Variants in RB1CC1 observed in about 807,000 individuals in gnomAD.
RB1CC1 encodes RB1 inducible coiled-coil 1.
A neutral mutation model predicts 177.5 loss-of-function variants in RB1CC1; 46 were observed. That is an observed-to-expected ratio of 0.26 (90% CI 0.20 to 0.33). The LOEUF is 0.33. RB1CC1 is among the 10% of genes least tolerant of loss of function. The pLI, the probability that RB1CC1 is intolerant of heterozygous loss-of-function variation, is 1.00. For missense variants in RB1CC1, 1,703 were observed against 1,816.3 expected (o/e 0.94, Z 1.13); for synonymous variants, 666 against 613.6 (o/e 1.09, Z -1.26).
In RB1CC1 at chr8:52,645,685, G is replaced by A; in HGVS notation, c.3987+17C>T. 1 of 1,601,038 alleles carries A rather than the reference G, an allele frequency of 6.2e-7. No homozygotes were observed. The highest frequency in any genetic ancestry group is 8.5e-7 in the Non-Finnish European group (1 of 1,175,248). On this transcript the variant is annotated intron_variant, in intron 16 of 23. Coordinates refer to ENST00000025008, the MANE Select transcript of RB1CC1 (RefSeq NM_014781.5). The stretch of plus-strand genomic sequence containing the variant: ...CCTTCTTTAGTTCTCAAATGAAATG[G>A]GAAAAGAGATACAGACCTGTTGTTC...
At chr8:52,658,610 T>TCC (rs1851311738) in intron 13 of RB1CC1, among the ~76,000 whole-genome samples, 1 of 144,930 alleles carries the variant, frequency 6.9e-6, no homozygotes, top group Admixed American at 6.9e-5. Context: ...AAGTAAAAAG[T>TCC]CAGAAATTTC....
intron 15 of RB1CC1, among the ~76,000 whole-genome samples, chr8:52,650,337 T>G (rs536017378): frequency 1.3e-5 from 2 of 152,166 alleles, no homozygotes; most frequent in Non-Finnish European, 2.9e-5. Context: ...CTGGAGGTGG[T>G]TGTAGCCAAA....
intron 1 of RB1CC1, among the ~76,000 whole-genome samples, chr8:52,702,708 CA>C (rs111945832): frequency 0.017 from 2,422 of 143,648 alleles, 67 homozygotes; most frequent in African/African-American, 0.058. Context: ...GAGTGAGACT[CA>C]AAAAAAAAGA....
At chr8:52,701,954 C>A (rs902279372) in intron 1 of RB1CC1, among the ~76,000 whole-genome samples, 1 of 152,022 alleles carries the variant, frequency 6.6e-6, no homozygotes, top group Non-Finnish European at 1.5e-5. Context: ...ATTACAGGCA[C>A]CTGCCACCAC....
chr8:52,641,835 G>A (rs1849613459), intron 18 of RB1CC1, among the ~76,000 whole-genome samples: 1 of 152,056 alleles, frequency 6.6e-6, no homozygotes, highest in South Asian at 2.1e-4. Flanking sequence ...AGATATAATT[G>A]TAAGCACAAT....
At chr8:52,650,752 T>C (rs1375801004) in intron 15 of RB1CC1, among the ~76,000 whole-genome samples, 1 of 152,150 alleles carries the variant, frequency 6.6e-6, no homozygotes, top group Non-Finnish European at 1.5e-5. Flanking sequence ...ACCAGGGCAG[T>C]ACATGGCATA....
intron 1 of RB1CC1, among the ~76,000 whole-genome samples, chr8:52,698,749 G>A (rs1037077506): frequency 9.4e-6 from 1 of 105,828 alleles, no homozygotes; most frequent in Non-Finnish European, 1.7e-5. Context: ...TCGGTCTGTC[G>A]CCCAGGCTGG....
chr8:52,683,964 G>C lies in RB1CC1; in HGVS notation c.121C>G (p.Gln41Glu), dbSNP rs989319542. 6.2e-7 allele frequency: 1 copy of C among 1,614,014 alleles called. No homozygotes were observed. The highest frequency in any genetic ancestry group is 8.5e-7 in the Non-Finnish European group (1 of 1,179,988). Reference protein sequence around the residue: ...AIQSKYKIAIQHQVLVVNGGE... With the variant: ...AIQSKYKIAIEHQVLVVNGGE... ...CCATTGACCACCAGCACCTGGTGTT[G>C]AATAGCAATCTTGTATTTGCTTTGA... The change falls in exon 4 of 24, where the codon CAA (glutamine) becomes GAA (glutamate). Residue 41 changes from glutamine (Q) to glutamate (E), a missense_variant. Around this residue, in one of 6 missense-constraint regions of RB1CC1, gnomAD observed 118 missense variants for 121.2 expected, o/e 0.97. Coordinates refer to ENST00000025008, the MANE Select transcript of RB1CC1 (RefSeq NM_014781.5).
At chr8:52,672,470 C>T (rs1852689618) in intron 7 of RB1CC1, among the ~76,000 whole-genome samples, 1 of 152,174 alleles carries the variant, frequency 6.6e-6, no homozygotes, top group Non-Finnish European at 1.5e-5. Flanking sequence ...AGGCCAGGTG[C>T]AGTGGCTCAT....
chr8:52,707,297 C>T (rs894985450), intron 1 of RB1CC1, among the ~76,000 whole-genome samples: 3 of 152,092 alleles, frequency 2.0e-5, no homozygotes, highest in Admixed American at 6.6e-5. Flanking sequence ...CTACTGTTAC[C>T]TCAAACTCAA....
Position 52,714,156 on chromosome 8 carries a change from G to C in RB1CC1, c.-248C>G, listed in dbSNP as rs752006572. On this transcript the variant is annotated 5_prime_UTR_variant, in exon 1 of 24. Transcript: ENST00000025008. ...CATCTTCCGCCGCCGCCTAGTCCTC[G>C]GCAGCGGTTACCAACCGCCCATTCG... 7.3e-6 allele frequency: 2 copies of C among 275,288 alleles called. No homozygotes were observed. Among genetic ancestry groups the C allele is most frequent in the Non-Finnish European group, 1.5e-5 (2 of 134,088 alleles). 17.1% of individuals were successfully genotyped at this position (275,288 alleles called of 1,614,324 possible). A position where few individuals can be genotyped will look rare whatever the true frequency, so the allele number is the denominator to read the frequency against.
At chr8:52,668,914 C>T (rs1238443633) in intron 7 of RB1CC1, among the ~76,000 whole-genome samples, 1 of 152,192 alleles carries the variant, frequency 6.6e-6, no homozygotes, top group Non-Finnish European at 1.5e-5. Flanking sequence ...GGTTCCTTCA[C>T]AGCATCCTTT....
intron 7 of RB1CC1, among the ~76,000 whole-genome samples, chr8:52,669,927 A>C (rs1406472817): frequency 6.6e-6 from 1 of 151,840 alleles, no homozygotes; most frequent in African/African-American, 2.4e-5. Flanking sequence ...GTATTTTATG[A>C]TTCACTAAAT....
chr8:52,704,883 C>CA (rs1158628118), intron 1 of RB1CC1, among the ~76,000 whole-genome samples: 16 of 152,264 alleles, frequency 1.1e-4, no homozygotes, highest in African/African-American at 3.8e-4. Context: ...ACTTGATGCT[C>CA]ATTTTATATA....
chr8:52,656,770 T>A lies in RB1CC1; in HGVS notation c.3059A>T (p.Glu1020Val). ...HRVSLEELKK[E>V]NQQIINQIQE... ...TATTTGATTAATTATTTGTTGGTTT[T>A]CCTTTTTTAATTCCTCCAAAGAAAC... The change falls in exon 15 of 24, where the codon GAA (glutamate) becomes GTA (valine). Residue 1020 changes from glutamate to valine, a missense_variant. Physicochemically the swap from Glu to Val is moderately radical, Grantham distance 121. Coordinates refer to ENST00000025008, the MANE Select transcript of RB1CC1 (RefSeq NM_014781.5). 1 of 1,613,976 alleles carries A rather than the reference T, an allele frequency of 6.2e-7. No homozygotes were observed. The highest frequency in any genetic ancestry group is 8.5e-7 in the Non-Finnish European group (1 of 1,179,968).
intron 3 of RB1CC1, among the ~76,000 whole-genome samples, chr8:52,684,348 C>CA (rs1439735480): frequency 6.6e-6 from 1 of 151,958 alleles, no homozygotes; most frequent in Non-Finnish European, 1.5e-5. Context: ...CCCTATCTTC[C>CA]AAAAAATCAT....
chr8:52,658,138 C>T lies in RB1CC1; in HGVS notation c.1794-14G>A, dbSNP rs769876853. On this transcript the variant is annotated splice_polypyrimidine_tract_variant and intron_variant, in intron 13 of 23. Transcript: ENST00000025008. Reference sequence around the variant, plus strand: ...AGTAAGGGAACCCTGAAACAGAATGCAATGCAATTAGACTTCTGATTTTTT... The same window carrying T: ...AGTAAGGGAACCCTGAAACAGAATGTAATGCAATTAGACTTCTGATTTTTT... The T allele has an allele frequency of 6.5e-5, 104 of 1,604,256 alleles. No homozygotes were observed. The highest frequency in any genetic ancestry group is 8.8e-5 in the Non-Finnish European group (104 of 1,177,224).
intron 13 of RB1CC1, 85 bp downstream of exon 13, chr8:52,658,788 G>A: frequency 1.1e-6 from 1 of 896,758 alleles, no homozygotes; most frequent in Non-Finnish European, 1.6e-6. Flanking sequence ...CACCTCTTAA[G>A]ATTACTGGTA....
chr8:52,691,885 T>A (rs117499094), intron 1 of RB1CC1, among the ~76,000 whole-genome samples: 2,963 of 152,332 alleles, frequency 0.019, 48 homozygotes, highest in Non-Finnish European at 0.029. Context: ...TTCCTCCACA[T>A]GTCCTAAGTA....
Sources: allele counts gnomAD v4.1 joint callset (sites outside exome capture counted in the v4.1 genomes callset), GRCh38; gene constraint gnomAD v4.1.1; regional missense constraint gnomAD v4.1.1; transcripts MANE v1.5; gene names NCBI Gene and HGNC (gene_info 2026-07-23, HGNC 2026-07-21).